Variants in NOP53 observed in about 807,000 individuals in gnomAD.
The protein encoded by NOP53 is ribosome biogenesis protein NOP53.
In NOP53, 40 loss-of-function variants were observed where a neutral mutation model predicts 61.0. The ratio of observed to expected loss-of-function variants is 0.66; its 90% CI spans 0.51 to 0.85. The LOEUF (loss-of-function observed/expected upper bound fraction) is 0.85, where lower values mean the gene tolerates loss of function less well. Ranked by LOEUF, NOP53 falls within the 40% of genes least tolerant of loss-of-function variation. NOP53 has a pLI of 0.00. For missense variants in NOP53, 689 were observed against 652.9 expected, an observed-to-expected ratio of 1.06 and a Z score of -0.60; for synonymous variants, 308 against 289.5, an observed-to-expected ratio of 1.06 and a Z score of -0.65.
At chr19:47,748,804 G>A (rs1014737074) in intron 2 of NOP53, among the ~76,000 whole-genome samples, 1 of 152,146 alleles carries the variant, frequency 6.6e-6, no homozygotes, top group East Asian at 1.9e-4. Context: ...GCTTGAACCC[G>A]GGAGGCAGAG....
intron 3 of NOP53, 67 bp downstream of exon 3, chr19:47,750,353 C>T: frequency 2.0e-6 from 2 of 977,342 alleles, no homozygotes; most frequent in African/African-American, 1.6e-5. Flanking sequence ...GTTTCCGGGG[C>T]TGGGGGCTGG....
At chr19:47,755,210 G>T in intron 8 of NOP53, 138 bp from the exon 9 acceptor site, 1 of 589,424 alleles carries the variant, frequency 1.7e-6, no homozygotes, top group Non-Finnish European at 2.8e-6. Context: ...AGGCACTGGA[G>T]GGGCCGCTGA....
chr19:47,745,822 T>C, intron 1 of NOP53, 39 bp downstream of exon 1: 1 of 1,192,396 alleles, frequency 8.4e-7, no homozygotes, highest in Non-Finnish European at 1.1e-6. Context: ...GGACGGTTCC[T>C]GCGCCCAGGT....
rs767958723 is a variant in NOP53, at chr19:47,745,661, G to C, written c.102G>C (p.Leu34=). The change falls in exon 1 of 13, where the codon CTG becomes CTC. Residue 34 remains leucine (L), a synonymous_variant. Transcript: ENST00000246802. The stretch of plus-strand genomic sequence containing the variant: ...GGCCCACTTCGGTGGACCCAGCGCT[G>C]AGGCGGCGGCGGCGAGGCCCAAGAA... ...GLRPTSVDPA[L]RRRRRGPRNK... 1.2e-6 allele frequency: 2 copies of C among 1,613,754 alleles called. No individual in the cohort carries two copies. The highest frequency in any genetic ancestry group is 8.5e-7 in the Non-Finnish European group (1 of 1,179,862).
At chr19:47,751,165 T>A in intron 4 of NOP53, 58 bp downstream of exon 4, 3 of 1,460,574 alleles carry the variant, frequency 2.1e-6, no homozygotes. Context: ...GCAGTTTGTG[T>A]GTGTTGTGCA....
chr19:47,746,866 G>C, intron 1 of NOP53, 101 bp from the exon 2 acceptor site: 1 of 929,028 alleles, frequency 1.1e-6, no homozygotes, highest in Non-Finnish European at 1.7e-6. Flanking sequence ...AGAGTCCGGT[G>C]GCGGGACTTG....
chr19:47,750,844 A>G (rs1599915881), intron 3 of NOP53, 64 bp from the exon 4 acceptor site: 1 of 1,369,916 alleles, frequency 7.3e-7, no homozygotes. Context: ...GACGGGGAGG[A>G]GGCCCTGCTG....
chr19:47,749,744 CT>C (rs1967102295), intron 2 of NOP53, among the ~76,000 whole-genome samples: 1 of 150,222 alleles, frequency 6.7e-6, no homozygotes, highest in South Asian at 2.1e-4. Flanking sequence ...GACTTGCTTT[CT>C]TCCTTTTTTT....
intron 3 of NOP53, among the ~76,000 whole-genome samples, 157 bp downstream of exon 3, chr19:47,750,443 C>A (rs1280353529): frequency 6.6e-6 from 1 of 151,934 alleles, no homozygotes; most frequent in Non-Finnish European, 1.5e-5. Context: ...AGTCTGGGTG[C>A]CCTGGTGCTG....
rs1210176623 is a variant in NOP53 at position 47,755,401 on chromosome 19, C to G, written c.1107C>G (p.Phe369Leu). The change falls in exon 9 of 13, where the codon TTC (phenylalanine) becomes TTG (leucine). Residue 369 changes from phenylalanine (F) to leucine (L), a missense_variant. Transcript: ENST00000246802. ...RAARLRHQEL[F>L]RLRGIKAQVA... The stretch of plus-strand genomic sequence containing the variant: ...CCCGGCTCCGGCACCAGGAGCTGTT[C>G]CGGCTGCGCGGGATCAAGGCCCAGG... 8 of 1,532,414 alleles carry G rather than the reference C, an allele frequency of 5.2e-6. No homozygotes were observed. Among genetic ancestry groups the G allele is most frequent in the South Asian group, 2.4e-5 (2 of 83,202 alleles). 94.9% of individuals were successfully genotyped at this position (1,532,414 alleles called of 1,614,324 possible).
At chr19:47,755,071 C>T (rs1021738184) in intron 8 of NOP53, among the ~76,000 whole-genome samples, 180 bp downstream of exon 8, 8 of 151,998 alleles carry the variant, frequency 5.3e-5, no homozygotes, top group African/African-American at 1.9e-4. Flanking sequence ...CTCTTCCAGG[C>T]AGGGCTCGGG....
intron 9 of NOP53, 21 bp downstream of exon 9, chr19:47,755,544 T>C (rs1313569292): frequency 1.6e-5 from 23 of 1,463,028 alleles, no homozygotes; most frequent in Non-Finnish European, 2.7e-6. Context: ...GGCCGGGGGT[T>C]CTGGGAGAGG....
Position 47,755,480 on chromosome 19 carries a change from C to T in NOP53, c.1186C>T (p.Arg396Trp), listed in dbSNP as rs1212258570. Residue 396 changes from arginine (R) to tryptophan (W), a missense_variant, in exon 9 of 13, where the codon CGG (arginine) becomes TGG (tryptophan). Transcript: ENST00000246802. The stretch of plus-strand genomic sequence containing the variant: ...GCGGCAGAGGCGGCGGCAGGCGCGG[C>T]GGGAGGCTGAGGCTGACAAGCCCCG... The part of the protein sequence containing the change: ...ARRQRRRQAR[R>W]EAEADKPRRL... 1.1e-5 allele frequency: 16 copies of T among 1,484,218 alleles called. No homozygotes were observed. Among genetic ancestry groups the T allele is most frequent in the South Asian group, 5.5e-5 (4 of 73,150 alleles). The allele number at this position is 1,484,218 out of a possible 1,614,324, so 91.9% of individuals were successfully genotyped here.
chr19:47,755,814 A>T lies in NOP53; in HGVS notation c.1288A>T (p.Thr430Ser). The T allele has an allele frequency of 6.2e-7, 1 of 1,608,384 alleles. No individual in the cohort carries two copies. The highest frequency in any genetic ancestry group is 8.5e-7 in the Non-Finnish European group (1 of 1,177,490). Residue 430 changes from threonine (T) to serine (S), a missense_variant, in exon 10 of 13, where the codon ACC becomes TCC. Physicochemically the swap from Thr to Ser is moderately conservative, Grantham distance 58. Coordinates refer to ENST00000246802, the MANE Select transcript of NOP53 (RefSeq NM_015710.5). ...CTCGGAGCTGACAGACTCGCTCAGG[A>T]CCCTGAAGGTGCTCACTGTGTCCTG... ...LSSELTDSLR[T>S]LKPEGNILRD... is the part of the protein sequence containing the mutation.
intron 5 of NOP53, among the ~76,000 whole-genome samples, chr19:47,752,020 T>G: frequency 6.6e-6 from 1 of 151,690 alleles, no homozygotes; most frequent in Non-Finnish European, 1.5e-5. Context: ...GGCAGGAGAA[T>G]CGCTTGGACC....
At chr19:47,755,171 A>G (rs561228415) in intron 8 of NOP53, among the ~76,000 whole-genome samples, 177 bp from the exon 9 acceptor site, 3 of 152,216 alleles carry the variant, frequency 2.0e-5, no homozygotes, top group Admixed American at 1.3e-4. Flanking sequence ...ATGGATGACA[A>G]AAGGGGCTTC....
rs530518574 is a variant in NOP53 at position 47,747,912 on chromosome 19, C to T, written c.289+881C>T. Among the ~76,000 whole-genome samples, 44 of 150,482 alleles carry T rather than the reference C, an allele frequency of 2.9e-4. 1 individual carries two copies. The highest frequency in any genetic ancestry group is 1.0e-3 in the African/African-American group (42 of 40,994). Reference sequence around the variant, plus strand: ...TCTCCTGCCTCAGCCTCCTGAGTAGCTGGGGTTACAGGCATGTGCCACCAT... The same window carrying T: ...TCTCCTGCCTCAGCCTCCTGAGTAGTTGGGGTTACAGGCATGTGCCACCAT... On this transcript the variant is annotated intron_variant, in intron 2 of 12. Transcript: ENST00000246802.
intron 2 of NOP53, among the ~76,000 whole-genome samples, chr19:47,748,731 C>T (rs1042121614): frequency 6.6e-6 from 1 of 152,144 alleles, no homozygotes; most frequent in African/African-American, 2.4e-5. Context: ...CCCGTCTCTA[C>T]TAAAAATACA....
chr19:47,756,989 C>T lies in NOP53; in HGVS notation c.1431-10C>T, dbSNP rs752717379. 1 of 1,614,142 alleles carries T rather than the reference C, an allele frequency of 6.2e-7. No homozygotes were observed. Among genetic ancestry groups the T allele is most frequent in the Non-Finnish European group, 8.5e-7 (1 of 1,179,972 alleles). ...CTCACCCACCCTCAGCTCCTTTCCT[C>T]TGTCCCCAGGTTGTAGCTGCCATCA... On this transcript the variant is annotated splice_polypyrimidine_tract_variant and intron_variant, in intron 12 of 12. Coordinates refer to ENST00000246802, the MANE Select transcript of NOP53 (RefSeq NM_015710.5).
Sources: gnomAD v4.1 joint callset for allele counts (sites outside exome capture counted in the v4.1 genomes callset) on GRCh38, gnomAD v4.1.1 for gene constraint, MANE v1.5 for transcripts, NCBI Gene and HGNC (gene_info 2026-07-23, HGNC 2026-07-21) for gene names.